RARRES1: variants seen among roughly 807,000 people sequenced by gnomAD.
RARRES1 encodes retinoic acid receptor responder protein 1.
A neutral mutation model predicts 30.6 loss-of-function variants in RARRES1; 34 were observed. That is an observed-to-expected ratio of 1.11 (90% CI 0.84 to 1.48). RARRES1 has a LOEUF of 1.48. RARRES1 is among the 40% of genes most tolerant of loss of function. The probability of loss-of-function intolerance (pLI) is 0.00; values close to 1 mark genes in which losing one functional copy is unlikely to be tolerated. For missense variants in RARRES1, 373 were observed against 386.5 expected, an observed-to-expected ratio of 0.97 and a Z score of 0.29; for synonymous variants, 153 against 155.5, an observed-to-expected ratio of 0.98 and a Z score of 0.12.
intron 1 of RARRES1, among the ~76,000 whole-genome samples, chr3:158,729,609 C>G (rs1727806466): frequency 6.6e-6 from 1 of 151,964 alleles, no homozygotes; most frequent in African/African-American, 2.4e-5. Flanking sequence ...GCCACCATGC[C>G]CGGCTAATTT....
In RARRES1 at chr3:158,732,193, C is replaced by T; in HGVS notation, c.223G>A (p.Gly75Ser). 7.0e-7 allele frequency: 1 copy of T among 1,422,590 alleles called. No homozygotes were observed. Among genetic ancestry groups the T allele is most frequent in the Non-Finnish European group, 9.1e-7 (1 of 1,094,478 alleles). The allele number at this position is 1,422,590 out of a possible 1,614,324, so 88.1% of individuals were successfully genotyped here. ...AALHFFNFRS[G>S]SPSALRVLAE... is the part of the protein sequence containing the mutation. ...AGCACTCGTAGCGCGCTGGGCGAGC[C>T]GGACCGGAAGTTGAAGAAGTGAAGC... The change falls in exon 1 of 6, where the codon GGC (glycine) becomes AGC (serine). Residue 75 changes from glycine to serine, a missense_variant. By Grantham distance (56) the Gly-to-Ser change is moderately conservative. Coordinates refer to ENST00000237696, the MANE Select transcript of RARRES1 (RefSeq NM_206963.2).
chr3:158,729,045 CAATACATAGCT>C (rs1727786349), intron 1 of RARRES1, among the ~76,000 whole-genome samples: 1 of 152,036 alleles, frequency 6.6e-6, no homozygotes, highest in South Asian at 2.1e-4. Context: ...AGTAAGCATT[CAATACATAGCT>C]AATGGATGAA....
At chr3:158,714,054 C>T (rs1727239083) in intron 1 of RARRES1, among the ~76,000 whole-genome samples, 195 bp from the exon 2 acceptor site, 1 of 152,010 alleles carries the variant, frequency 6.6e-6, no homozygotes, top group South Asian at 2.1e-4. Flanking sequence ...TAGTTTGACA[C>T]CTACTCACAA....
chr3:158,719,364 C>T (rs189106246), intron 1 of RARRES1, among the ~76,000 whole-genome samples: 6 of 151,354 alleles, frequency 4.0e-5, no homozygotes, highest in South Asian at 2.1e-4. Flanking sequence ...CTCCACCTCC[C>T]GGGTTCAAGC....
At chr3:158,707,403 G>A (rs1158934640) in intron 3 of RARRES1, among the ~76,000 whole-genome samples, 3 of 152,262 alleles carry the variant, frequency 2.0e-5, no homozygotes, top group South Asian at 2.1e-4. Context: ...TGATCTTGAC[G>A]ATCTTTATAG....
chr3:158,708,946 C>T lies in RARRES1; in HGVS notation c.535+1792G>A, dbSNP rs1051840084. Among the ~76,000 whole-genome samples the T allele has an allele frequency of 1.2e-4, 18 of 152,142 alleles. 1 individual carries two copies. The highest frequency in any genetic ancestry group is 2.4e-4 in the Non-Finnish European group (16 of 68,026). On this transcript the variant is annotated intron_variant, in intron 3 of 5. Coordinates refer to ENST00000237696, the MANE Select transcript of RARRES1 (RefSeq NM_206963.2). ...TGCTGGGATTGCAGGCATGAGCCAC[C>T]GCGCCTGGCCCCCCTGAGATTTTAA...
chr3:158,697,961 C>G lies in RARRES1; in HGVS notation c.682G>C (p.Asp228His), dbSNP rs750102695. ...LTSVRQWKTN[D>H]DTIDFDYTVL... ...GTATAATCAAAATCAATTGTATCAT[C>G]ATTAGTTTTCTAGAGGGAGAAAAAA... Residue 228 changes from aspartate to histidine, a missense_variant, in exon 5 of 6, where the codon GAT (aspartate) becomes CAT (histidine). By Grantham distance (81) the Asp-to-His change is moderately conservative (BLOSUM62 -1). Coordinates refer to ENST00000237696, the MANE Select transcript of RARRES1 (RefSeq NM_206963.2). 3 of 1,522,868 alleles carry G rather than the reference C, an allele frequency of 2.0e-6. No homozygotes were observed. Among genetic ancestry groups the G allele is most frequent in the Non-Finnish European group, 2.7e-6 (3 of 1,101,344 alleles). 94.3% of individuals were successfully genotyped at this position (1,522,868 alleles called of 1,614,324 possible). A position where few individuals can be genotyped will look rare whatever the true frequency, so the allele number is the denominator to read the frequency against.
intron 1 of RARRES1, among the ~76,000 whole-genome samples, chr3:158,724,875 G>A (rs1727634196): frequency 6.6e-6 from 1 of 151,028 alleles, no homozygotes; most frequent in Non-Finnish European, 1.5e-5. Context: ...AGCCCAGTCT[G>A]GAAGGCAGTG....
rs1474584188 is a variant in RARRES1 at position 158,732,452 on chromosome 3, G to A, written c.-37C>T. 1.3e-6 allele frequency: 2 copies of A among 1,516,694 alleles called. No individual in the cohort carries two copies. Among genetic ancestry groups the A allele is most frequent in the African/African-American group, 1.4e-5 (1 of 70,294 alleles). The allele number at this position is 1,516,694 out of a possible 1,614,324, so 94.0% of individuals were successfully genotyped here. A position where few individuals can be genotyped will look rare whatever the true frequency, so the allele number is the denominator to read the frequency against. On this transcript the variant is annotated 5_prime_UTR_variant, in exon 1 of 6. Transcript: ENST00000237696. ...AGTTGGCTCGGCACCCGACAGACAC[G>A]GGCTCGGAGCGGGCAGTGCCGGCGC...
chr3:158,715,178 C>T (rs1261594511), intron 1 of RARRES1, among the ~76,000 whole-genome samples: 1 of 152,224 alleles, frequency 6.6e-6, no homozygotes, highest in Non-Finnish European at 1.5e-5. Context: ...TCTATTCACT[C>T]ATTCGCTGTT....
chr3:158,728,452 A>G (rs1727760170), intron 1 of RARRES1, among the ~76,000 whole-genome samples: 1 of 151,912 alleles, frequency 6.6e-6, no homozygotes, highest in South Asian at 2.1e-4. Context: ...CAGTCCAACA[A>G]TGCACTGGTT....
intron 1 of RARRES1, among the ~76,000 whole-genome samples, chr3:158,722,809 G>T (rs979966176): frequency 1.3e-5 from 2 of 151,282 alleles, no homozygotes; most frequent in African/African-American, 4.9e-5. Flanking sequence ...CTGAACCCGG[G>T]AGGTGGAGCT....
At chr3:158,709,050 G>T (rs1341076696) in intron 3 of RARRES1, among the ~76,000 whole-genome samples, 1 of 152,142 alleles carries the variant, frequency 6.6e-6, no homozygotes, top group Non-Finnish European at 1.5e-5. Context: ...ACAAGCTATA[G>T]ATAGCACCAT....
intron 4 of RARRES1, among the ~76,000 whole-genome samples, chr3:158,701,372 GCA>G (rs1726717674): frequency 7.2e-6 from 1 of 138,288 alleles, no homozygotes; most frequent in Non-Finnish European, 1.6e-5. Flanking sequence ...TTTTTTTTTT[GCA>G]CACTCTTCCC....
chr3:158,710,733 C>T lies in RARRES1; in HGVS notation c.535+5G>A. ...AATATAGAAATTCCAAATGCTGATT[C>T]ATACCAGGTATGCTGACTATTTCCA... is the stretch of plus-strand genomic sequence containing the variant. On this transcript the variant is annotated splice_donor_5th_base_variant and intron_variant, in intron 3 of 5. Coordinates refer to ENST00000237696, the MANE Select transcript of RARRES1 (RefSeq NM_206963.2). The T allele has an allele frequency of 1.9e-6, 3 of 1,586,620 alleles. No individual in the cohort carries two copies. Among genetic ancestry groups the T allele is most frequent in the Non-Finnish European group, 8.6e-7 (1 of 1,159,802 alleles).
At chr3:158,707,324 T>C (rs1287017427) in intron 3 of RARRES1, among the ~76,000 whole-genome samples, 1 of 152,030 alleles carries the variant, frequency 6.6e-6, no homozygotes, top group Non-Finnish European at 1.5e-5. Flanking sequence ...GAATCTACTT[T>C]TGAAAAGTAG....
chr3:158,712,832 A>T (rs1220483055), intron 2 of RARRES1, among the ~76,000 whole-genome samples: 1 of 152,208 alleles, frequency 6.6e-6, no homozygotes, highest in Non-Finnish European at 1.5e-5. Context: ...CATCTACAGG[A>T]TCAAATCCAG....
At position 158,704,853 on chromosome 3, in the gene RARRES1, A is replaced by G. The variant is rs59436905; in HGVS notation, c.610T>C (p.Trp204Arg). 1 of 1,614,100 alleles carries G rather than the reference A, an allele frequency of 6.2e-7. No homozygotes were observed. The highest frequency in any genetic ancestry group is 2.2e-5 in the East Asian group (1 of 44,880). Reference sequence around the variant, plus strand: ...TGTGACACCTGTGTTGTCATTTCCCACATCACGTAAGAGCTTCCAAGGAAA... The same window carrying G: ...TGTGACACCTGTGTTGTCATTTCCCGCATCACGTAAGAGCTTCCAAGGAAA... ...LAFLGSSYVM[W>R]EMTTQVSHYY... is the part of the protein sequence containing the mutation. The change falls in exon 4 of 6, where the codon TGG (tryptophan) becomes CGG (arginine). Residue 204 changes from tryptophan to arginine, a missense_variant. Trp to Arg is a moderately radical substitution (Grantham distance 101, BLOSUM62 -3). Coordinates refer to ENST00000237696, the MANE Select transcript of RARRES1 (RefSeq NM_206963.2).
chr3:158,709,542 A>G (rs1381139397), intron 3 of RARRES1, among the ~76,000 whole-genome samples: 1 of 152,186 alleles, frequency 6.6e-6, no homozygotes, highest in African/African-American at 2.4e-5. Flanking sequence ...CAGGGTTCAG[A>G]ATTTTAGAAA....
Sources: allele counts gnomAD v4.1 joint callset (sites outside exome capture counted in the v4.1 genomes callset), GRCh38; gene constraint gnomAD v4.1.1; transcripts MANE v1.5; gene names NCBI Gene and HGNC (gene_info 2026-07-23, HGNC 2026-07-21).